Variants in UMOD observed in about 807,000 individuals in gnomAD.
UMOD encodes the protein Tamm-Horsfall urinary glycoprotein.
Under a neutral mutation model 66.0 loss-of-function variants are expected in UMOD, and 64 were observed. That is an observed-to-expected ratio of 0.97 (90% confidence interval 0.79 to 1.19). The LOEUF is 1.19. UMOD is among the 50% of genes most tolerant of loss of function. The pLI is 0.00. For missense variants in UMOD, 764 were observed against 850.9 expected (o/e 0.90, Z 1.27); for synonymous variants, 398 against 352.7 (o/e 1.13, Z -1.44).
chr16:20,349,244 G>A (rs1156948322), intron 2 of UMOD, 32 bp from the exon 3 acceptor site: 1 of 1,605,364 alleles, frequency 6.2e-7, no homozygotes. Context: ...TTCAGGGTTT[G>A]GGCAGCTGGG....
At chr16:20,336,443 A>T (rs373218595) in intron 9 of UMOD, among the ~76,000 whole-genome samples, 1 of 152,318 alleles carries the variant, frequency 6.6e-6, no homozygotes, top group African/African-American at 2.4e-5. Flanking sequence ...ATTCATCTAC[A>T]AATCATATTT....
At position 20,336,717 on chromosome 16, in the gene UMOD, C is replaced by A. The variant is rs369483570; in HGVS notation, c.1751G>T (p.Gly584Val). The A allele has an allele frequency of 3.7e-6, 6 of 1,613,956 alleles. No individual in the cohort carries two copies. The African/African-American group carries it at 8.0e-5, about 22-fold the overall frequency. ...MNEKCKPTCS[G>V]TRFRSGSVID... ...GACACTCCCACTTCGGAATCTGGTC[C>A]CAGAGCAGGTCTACAGGGAGAGGGC... The change falls in exon 9 of 11, where the codon GGG (glycine) becomes GTG (valine). Residue 584 changes from glycine to valine, a missense_variant. By Grantham distance (109) the Gly-to-Val change is moderately radical. Coordinates refer to ENST00000396138, the MANE Select transcript of UMOD (RefSeq NM_003361.4).
rs387907551 is a variant in UMOD, at chr16:20,348,504, G to A, written c.797C>T (p.Ala266Val). 48 of 1,610,006 alleles carry A rather than the reference G, an allele frequency of 3.0e-5. No homozygotes were observed. Among genetic ancestry groups the A allele is most frequent in the Non-Finnish European group, 3.9e-5 (46 of 1,179,580 alleles). Residue 266 changes from alanine to valine, a missense_variant, in exon 3 of 11, where the codon GCC becomes GTC. Transcript: ENST00000396138. ...GTAGACGTAGTAGCCGCCGGCACAG[G>A]CCTTCACCTGGACGGACGCATCCCA... ...CLWDASVQVK[A>V]CAGGYYVYNL... is the part of the protein sequence containing the mutation.
At chr16:20,340,491 T>A (rs1256186366) in intron 7 of UMOD, among the ~76,000 whole-genome samples, 1 of 93,908 alleles carries the variant, frequency 1.1e-5, no homozygotes, top group Non-Finnish European at 1.9e-5. Flanking sequence ...TATATATATA[T>A]ATAATACATA....
At chr16:20,338,796 G>A (rs531382879) in intron 7 of UMOD, among the ~76,000 whole-genome samples, 1 of 152,052 alleles carries the variant, frequency 6.6e-6, no homozygotes, top group South Asian at 2.1e-4. Flanking sequence ...TTTCACTCTT[G>A]TTGCCCAAGC....
In UMOD at chr16:20,336,747, G is replaced by A; in HGVS notation, c.1741-20C>T. ...GCAGGTCTACAGGGAGAGGGCAATA[G>A]AAAAACACCCTCCATGAAGGAGCCT... On this transcript the variant is annotated intron_variant, in intron 8 of 10. Transcript: ENST00000396138. 1 of 1,609,516 alleles carries A rather than the reference G, an allele frequency of 6.2e-7. No individual in the cohort carries two copies.
intron 6 of UMOD, among the ~76,000 whole-genome samples, chr16:20,343,151 A>ATAAATAAATAAATAATTAAT (rs34049357): frequency 1.3e-5 from 2 of 151,334 alleles, no homozygotes; most frequent in African/African-American, 4.8e-5. Flanking sequence ...AAATAAATAA[A>ATAAATAAATAAATAATTAAT]TAAATAATCA....
chr16:20,346,145 G>A lies in UMOD; in HGVS notation c.1163C>T (p.Pro388Leu). 1 of 1,614,018 alleles carries A rather than the reference G, an allele frequency of 6.2e-7. No homozygotes were observed. Among genetic ancestry groups the A allele is most frequent in the Non-Finnish European group, 8.5e-7 (1 of 1,180,048 alleles). ...VSVVTPARDG[P>L]CGTVLTRNET... ...ACGTACCGTCAACACTGTCCCACAGGGGCCATCCCGGGCTGGGGTCACTAC... is the reference window on the plus strand; with the variant it reads ...ACGTACCGTCAACACTGTCCCACAGAGGCCATCCCGGGCTGGGGTCACTAC... The change falls in exon 5 of 11, where the codon CCC (proline) becomes CTC (leucine). Residue 388 changes from proline (P) to leucine (L), a missense_variant. Transcript: ENST00000396138.
In UMOD at chr16:20,350,598, A is replaced by G. The variant is rs1166594770; in HGVS notation, c.88+52T>C. 1.9e-6 allele frequency: 3 copies of G among 1,605,728 alleles called. No individual in the cohort carries two copies. In the Admixed American group the frequency reaches 5.1e-5, roughly 27 times the overall value. ...GCTACATTGCTTCCCCCACACATTC[A>G]CACATACACGTGCATACACACATAT... On this transcript the variant is annotated intron_variant, in intron 2 of 10. Transcript: ENST00000396138.
chr16:20,333,938 G>C (rs998520473), intron 10 of UMOD, among the ~76,000 whole-genome samples: 4 of 149,010 alleles, frequency 2.7e-5, no homozygotes, highest in African/African-American at 9.9e-5. Context: ...GCAGGCTGAG[G>C]CAGAAGAATC....
At position 20,334,032 on chromosome 16, in the gene UMOD, C is replaced by CAAAA. The variant is rs575596167; in HGVS notation, c.1862-661_1862-658dup. Among the ~76,000 whole-genome samples the CAAAA allele has an allele frequency of 3.2e-3, 185 of 57,038 alleles. 15 individuals are homozygous for CAAAA. The East Asian group carries it at 0.042, about 13-fold the overall frequency. The allele number at this position is 57,038 out of a possible 152,430, so 37.4% of individuals were successfully genotyped here. ...CTGGGTGACAGAGCAGATTCCATCT[C>CAAAA]AAAAAAAAAAAAAAAAAAAAAAGCC... On this transcript the variant is annotated intron_variant, in intron 10 of 10. Transcript: ENST00000396138.
Position 20,333,335 on chromosome 16 carries a change from G to A in UMOD, c.1902C>T (p.Thr634=), listed in dbSNP as rs766780246. The A allele has an allele frequency of 6.2e-7, 1 of 1,613,324 alleles. No homozygotes were observed. The highest frequency in any genetic ancestry group is 1.7e-5 in the Admixed American group (1 of 59,952). The part of the protein sequence containing the change: ...KVWLPLLLSA[T]LTLTFQ ...TCAGTCACTGAAAAGTCAGGGTCAAGGTGGCCGAGAGAAGCAGAGGCAGCC... is the reference window on the plus strand; with the variant it reads ...TCAGTCACTGAAAAGTCAGGGTCAAAGTGGCCGAGAGAAGCAGAGGCAGCC... The change falls in exon 11 of 11, where the codon ACC becomes ACT. Residue 634 remains threonine, a synonymous_variant. Coordinates refer to ENST00000396138, the MANE Select transcript of UMOD (RefSeq NM_003361.4).
At chr16:20,353,437 G>A (rs1020740693), upstream of UMOD, among the ~76,000 whole-genome samples, 3 of 152,170 alleles carry the variant, frequency 2.0e-5, no homozygotes, top group Non-Finnish European at 2.9e-5. Context: ...TAACCTTCCT[G>A]AGGTCCAGAG....
rs10533543 is a variant in UMOD, at chr16:20,340,472, G to GTATATATA, written c.1577+611_1577+618dup. Among the ~76,000 whole-genome samples the GTATATATA allele has an allele frequency of 5.0e-4, 56 of 112,534 alleles. No homozygotes were observed. In the South Asian group the frequency reaches 9.2e-3, roughly 19 times the overall value. 73.8% of individuals were successfully genotyped at this position (112,534 alleles called of 152,430 possible). ...TGTGTGTATATATATGTGTGTGTGT[G>GTATATATA]TATATATATATATATATATATAATA... On this transcript the variant is annotated intron_variant, in intron 7 of 10. Coordinates refer to ENST00000396138, the MANE Select transcript of UMOD (RefSeq NM_003361.4).
At position 20,337,279 on chromosome 16, in the gene UMOD, G is replaced by T. The variant is rs780469377; in HGVS notation, c.1740+12C>A. 4.3e-6 allele frequency: 7 copies of T among 1,613,954 alleles called. No individual in the cohort carries two copies. Among genetic ancestry groups the T allele is most frequent in the African/African-American group, 2.7e-5 (2 of 74,904 alleles). On this transcript the variant is annotated intron_variant, in intron 8 of 10. Transcript: ENST00000396138. ...TTACAAGAGATGGGCTGGGGGAGGG[G>T]AGTCAACTCACAGGCTTGCACTTTT...
upstream of UMOD, among the ~76,000 whole-genome samples, chr16:20,355,405 T>A (rs1337252274): frequency 6.8e-6 from 1 of 147,578 alleles, no homozygotes; most frequent in Non-Finnish European, 1.5e-5. Context: ...TTCTTTTTCT[T>A]CTTCTTTTTT....
chr16:20,346,120 A>G lies in UMOD; in HGVS notation c.1182+6T>C, dbSNP rs951748116. On this transcript the variant is annotated splice_donor_region_variant and intron_variant, in intron 5 of 10. Coordinates refer to ENST00000396138, the MANE Select transcript of UMOD (RefSeq NM_003361.4). ...CTGGTTCTGTCCCCCACTGGCCAGG[A>G]CGTACCGTCAACACTGTCCCACAGG... 1.2e-6 allele frequency: 2 copies of G among 1,613,282 alleles called. No individual in the cohort carries two copies. The highest frequency in any genetic ancestry group is 1.7e-6 in the Non-Finnish European group (2 of 1,179,882).
At position 20,350,853 on chromosome 16, in the gene UMOD, T is replaced by G; in HGVS notation, c.-102-14A>C. On this transcript the variant is annotated splice_polypyrimidine_tract_variant and intron_variant, in intron 1 of 10. Transcript: ENST00000396138. ...ATGTCTGGTGTCCTGTGAACAGAGA[T>G]GGATGGGACAAATGCATGATCTAAC... 6.4e-7 allele frequency: 1 copy of G among 1,553,000 alleles called. No homozygotes were observed. Among genetic ancestry groups the G allele is most frequent in the Non-Finnish European group, 8.7e-7 (1 of 1,150,964 alleles).
At chr16:20,335,342 T>A in intron 10 of UMOD, 140 bp downstream of exon 10, 1 of 819,324 alleles carries the variant, frequency 1.2e-6, no homozygotes, top group East Asian at 2.7e-5. Context: ...TCAGGTTCTC[T>A]GAGCCACTCT....
Sources: allele counts gnomAD v4.1 joint callset (sites outside exome capture counted in the v4.1 genomes callset), GRCh38; gene constraint gnomAD v4.1.1; transcripts MANE v1.5; gene names NCBI Gene and HGNC (gene_info 2026-07-23, HGNC 2026-07-21).